The following ANKS6 variants were observed in gnomAD, a reference collection of about 807,000 sequenced individuals.
ANKS6 encodes ankyrin repeat and sterile alpha motif domain containing 6.
ANKS6 carries 47 observed loss-of-function variants against 77.9 expected under a neutral mutation model. That is an observed-to-expected ratio of 0.60 (90% CI 0.48 to 0.77). ANKS6 has a LOEUF of 0.77. Among genes scored for constraint, ANKS6 ranks in the 30% least tolerant of loss-of-function variants. The probability of loss-of-function intolerance (pLI) is 0.00; values close to 1 mark genes in which losing one functional copy is unlikely to be tolerated. For missense variants in ANKS6, 1,150 were observed against 1,159.1 expected (o/e 0.99, Z 0.11); for synonymous variants, 488 against 501.7 (o/e 0.97, Z 0.37).
At chr9:98,779,958 G>A (rs554396882) in intron 6 of ANKS6, among the ~76,000 whole-genome samples, 2 of 151,934 alleles carry the variant, frequency 1.3e-5, no homozygotes, top group Admixed American at 6.5e-5. Flanking sequence ...CACCGTGCCC[G>A]GCCGCGTGGA....
At position 98,791,030 on chromosome 9, in the gene ANKS6, T is replaced by C. The variant is rs1475332796; in HGVS notation, c.360-424A>G. On this transcript the variant is annotated intron_variant, in intron 1 of 14. Transcript: ENST00000353234. This position sits in a 1 kb window ranked among gnomAD's most constrained non-coding sequence, Gnocchi z 4.3. ...TATTATAATTGTTCATGTTACGTTA[T>C]TCAACGTGCCAAGGGTTACCCGGCT... Among the ~76,000 whole-genome samples the C allele has an allele frequency of 6.6e-6, 1 of 152,258 alleles. No individual in the cohort carries two copies. Among genetic ancestry groups the C allele is most frequent in the African/African-American group, 2.4e-5 (1 of 41,464 alleles).
At position 98,736,226 on chromosome 9, in the gene ANKS6, G is replaced by A. The variant is rs1049347736; in HGVS notation, c.*293C>T. 3 of 1,214,412 alleles carry A rather than the reference G, an allele frequency of 2.5e-6. No homozygotes were observed. Among genetic ancestry groups the A allele is most frequent in the Non-Finnish European group, 3.1e-6 (3 of 974,800 alleles). The allele number at this position is 1,214,412 out of a possible 1,614,324, so 75.2% of individuals were successfully genotyped here. ...AGAAGCAAACTCTGAGGCTCCCGGG[G>A]AGGGCAGAGCACAGGATGAAAGGAG... On this transcript the variant is annotated 3_prime_UTR_variant, in exon 15 of 15. Transcript: ENST00000353234.
chr9:98,765,958 C>G (rs908618025), intron 11 of ANKS6, among the ~76,000 whole-genome samples: 85 of 152,202 alleles, frequency 5.6e-4, no homozygotes, highest in African/African-American at 1.9e-3. Flanking sequence ...AAGCCCACTT[C>G]TGTGTCCTTT....
rs529246867 is a variant in ANKS6, at chr9:98,735,895, G to C, written c.*624C>G. 29 of 1,231,700 alleles carry C rather than the reference G, an allele frequency of 2.4e-5. No homozygotes were observed. In the Admixed American group the frequency reaches 8.4e-4, roughly 36 times the overall value. 76.3% of individuals were successfully genotyped at this position (1,231,700 alleles called of 1,614,324 possible). A position where few individuals can be genotyped will look rare whatever the true frequency, so the allele number is the denominator to read the frequency against. On this transcript the variant is annotated 3_prime_UTR_variant, in exon 15 of 15. Transcript: ENST00000353234. ...ACTAAGGGACCCAGTGGCTGAAAGG[G>C]GGTCAAAAAAGACTTCATCTGAGAG...
rs746172737 is a variant in ANKS6, at chr9:98,773,972, G to A, written c.1726C>T (p.Arg576Trp). Reference protein sequence around the residue: ...SFELWSSDRSRTRHNGKADPM... With the variant: ...SFELWSSDRSWTRHNGKADPM... Reference sequence around the variant, plus strand: ...TCTGCCTTCCCGTTGTGACGCGTCCGGGACCGATCAGAGCTCCACAGCTCA... The same window carrying A: ...TCTGCCTTCCCGTTGTGACGCGTCCAGGACCGATCAGAGCTCCACAGCTCA... Residue 576 changes from arginine to tryptophan, a missense_variant, in exon 9 of 15, where the codon CGG becomes TGG. By Grantham distance (101) the Arg-to-Trp change is moderately radical (BLOSUM62 -3). Coordinates refer to ENST00000353234, the MANE Select transcript of ANKS6 (RefSeq NM_173551.5). 11 of 1,600,132 alleles carry A rather than the reference G, an allele frequency of 6.9e-6. No homozygotes were observed. The highest frequency in any genetic ancestry group is 1.7e-5 in the Admixed American group (1 of 58,530).
rs1304626356 is a variant in ANKS6 at position 98,735,233 on chromosome 9, A to G, written c.*1286T>C. The G allele has an allele frequency of 1.2e-5, 12 of 986,890 alleles. No individual in the cohort carries two copies. The highest frequency in any genetic ancestry group is 1.4e-5 in the Non-Finnish European group (12 of 830,986). The allele number at this position is 986,890 out of a possible 1,614,324, so 61.1% of individuals were successfully genotyped here. A position where few individuals can be genotyped will look rare whatever the true frequency, so the allele number is the denominator to read the frequency against. The stretch of plus-strand genomic sequence containing the variant: ...TGAACTTTGAACCTGAGTCCAGAGC[A>G]CAAGGTCTGCCCACTCTACCATGCT... On this transcript the variant is annotated 3_prime_UTR_variant, in exon 15 of 15. Transcript: ENST00000353234.
chr9:98,795,058 A>C (rs1444969179), intron 1 of ANKS6, among the ~76,000 whole-genome samples: 1 of 152,162 alleles, frequency 6.6e-6, no homozygotes, highest in Non-Finnish European at 1.5e-5. Context: ...ATATCATGGC[A>C]GGCTTCACAG....
At chr9:98,758,219 G>A (rs570064941) in intron 11 of ANKS6, among the ~76,000 whole-genome samples, 1 of 152,028 alleles carries the variant, frequency 6.6e-6, no homozygotes, top group Admixed American at 6.6e-5. Flanking sequence ...TAAGCTCTGG[G>A]CCATAATCCA....
chr9:98,734,916 G>T lies in ANKS6; in HGVS notation c.*1603C>A, dbSNP rs1158353044. ...GGCTTCTGTGAGTGTAAGGCTGAGA[G>T]AATTTAAAGGAAAAACACCCAACCA... On this transcript the variant is annotated 3_prime_UTR_variant, in exon 15 of 15. Coordinates refer to ENST00000353234, the MANE Select transcript of ANKS6 (RefSeq NM_173551.5). 1.0e-6 allele frequency: 1 copy of T among 985,316 alleles called. No homozygotes were observed. The highest frequency in any genetic ancestry group is 6.1e-5 in the Admixed American group (1 of 16,272). The allele number at this position is 985,316 out of a possible 1,614,324, so 61.0% of individuals were successfully genotyped here.
At chr9:98,755,612 C>T (rs1483523161) in intron 12 of ANKS6, among the ~76,000 whole-genome samples, 3 of 152,212 alleles carry the variant, frequency 2.0e-5, no homozygotes, top group African/African-American at 7.2e-5. Flanking sequence ...CTCACCCATC[C>T]CCCTTCTCCT....
chr9:98,793,844 ATTATT>A (rs1310332154), intron 1 of ANKS6, among the ~76,000 whole-genome samples: 1 of 149,550 alleles, frequency 6.7e-6, no homozygotes, highest in African/African-American at 2.4e-5. Context: ...AAGGTTACCT[ATTATT>A]TTAAGAACAT....
At chr9:98,764,946 T>C (rs1052104349) in intron 11 of ANKS6, among the ~76,000 whole-genome samples, 4 of 152,214 alleles carry the variant, frequency 2.6e-5, no homozygotes, top group African/African-American at 9.6e-5. Context: ...AAATTGGACA[T>C]ATTATATAGT....
rs948064646 is a variant in ANKS6, at chr9:98,791,458, G to A, written c.360-852C>T. 3.3e-5 allele frequency among the ~76,000 whole-genome samples: 5 copies of A among 152,176 alleles called. No individual in the cohort carries two copies. The highest frequency in any genetic ancestry group is 6.5e-5 in the Admixed American group (1 of 15,286). On this transcript the variant is annotated intron_variant, in intron 1 of 14. Transcript: ENST00000353234. The surrounding 1 kb of genome is among the most constrained non-coding windows in gnomAD (Gnocchi z 4.3). ...AAGATCTGCACCCACCAACTTCCTA[G>A]TACCAGGAGAAGGAAAACAGGTACC... is the stretch of plus-strand genomic sequence containing the variant.
chr9:98,785,828 T>C (rs1564222676), intron 2 of ANKS6, among the ~76,000 whole-genome samples: 1 of 152,164 alleles, frequency 6.6e-6, no homozygotes, highest in Non-Finnish European at 1.5e-5. Flanking sequence ...TCAGTGCACG[T>C]GAATTTCAGC....
In ANKS6 at chr9:98,791,844, C is replaced by T. The variant is rs1169390103; in HGVS notation, c.360-1238G>A. Among the ~76,000 whole-genome samples the T allele has an allele frequency of 6.6e-6, 1 of 152,138 alleles. No homozygotes were observed. The highest frequency in any genetic ancestry group is 1.5e-5 in the Non-Finnish European group (1 of 68,016). ...ATACCTTCTGGGATGTGAACCTGAACAGCATGGGGCTACTCAGCCACGAAG... is the reference window on the plus strand; with the variant it reads ...ATACCTTCTGGGATGTGAACCTGAATAGCATGGGGCTACTCAGCCACGAAG... On this transcript the variant is annotated intron_variant, in intron 1 of 14. Coordinates refer to ENST00000353234, the MANE Select transcript of ANKS6 (RefSeq NM_173551.5). The surrounding 1 kb of genome is among the most constrained non-coding windows in gnomAD (Gnocchi z 4.3).
At chr9:98,736,657 C>T (rs758768953) in intron 14 of ANKS6, 34 bp from the exon 15 acceptor site, 2 of 1,560,030 alleles carry the variant, frequency 1.3e-6, no homozygotes, top group Admixed American at 3.8e-5. Flanking sequence ...CACAGAAAGT[C>T]TTATTAAACC....
At chr9:98,769,535 A>G (rs1034879948) in intron 10 of ANKS6, among the ~76,000 whole-genome samples, 16 of 152,242 alleles carry the variant, frequency 1.1e-4, no homozygotes, top group African/African-American at 3.9e-4. Context: ...ATTATTAAAC[A>G]AGGTGCTGTA....
chr9:98,777,344 A>G (rs1402218395), intron 8 of ANKS6, 61 bp downstream of exon 8: 1 of 1,552,262 alleles, frequency 6.4e-7, no homozygotes, highest in African/African-American at 1.4e-5. Flanking sequence ...CCCTCCTTGT[A>G]AATCAATCAA....
At position 98,790,509 on chromosome 9, in the gene ANKS6, G is replaced by T; in HGVS notation, c.457C>A (p.Arg153=). The T allele has an allele frequency of 6.2e-7, 1 of 1,613,506 alleles. No individual in the cohort carries two copies. The highest frequency in any genetic ancestry group is 1.3e-5 in the African/African-American group (1 of 75,042). Residue 153 remains arginine (R), a synonymous_variant, in exon 2 of 15, where the codon CGG becomes AGG. Coordinates refer to ENST00000353234, the MANE Select transcript of ANKS6 (RefSeq NM_173551.5). ...LGASVLTVAS[R]GGHLGVVKLL... Reference sequence around the variant, plus strand: ...TTCACCACACCCAGGTGGCCGCCCCGAGAAGCCACAGTGAGCACACTGGCC... The same window carrying T: ...TTCACCACACCCAGGTGGCCGCCCCTAGAAGCCACAGTGAGCACACTGGCC...
Sources: allele counts gnomAD v4.1 joint callset (sites outside exome capture counted in the v4.1 genomes callset), GRCh38; gene constraint gnomAD v4.1.1; non-coding constraint Gnocchi (gnomAD v3.1); transcripts MANE v1.5; gene names NCBI Gene and HGNC (gene_info 2026-07-23, HGNC 2026-07-21).